Variants in SBF2 observed in about 807,000 individuals in gnomAD.
SBF2 encodes the protein SET binding factor 2, also known as myotubularin-related protein 13.
Under a neutral mutation model 225.2 loss-of-function variants are expected in SBF2, and 112 were observed. The ratio of observed to expected loss-of-function variants is 0.50; its 90% CI spans 0.43 to 0.58. The LOEUF (loss-of-function observed/expected upper bound fraction) is 0.58. SBF2 is among the 20% of genes least tolerant of loss of function. The pLI is 0.00. For missense variants in SBF2, 1,996 were observed against 2,206.2 expected (o/e 0.90, Z 1.91); for synonymous variants, 763 against 773.3 (o/e 0.99, Z 0.22).
chr11:9,991,399 C>T (rs1208115894), intron 12 of SBF2, among the ~76,000 whole-genome samples: 2 of 152,106 alleles, frequency 1.3e-5, no homozygotes, highest in Admixed American at 1.3e-4. Context: ...ATAAAAGATC[C>T]TTCTCCTCTG....
chr11:9,886,699 G>GTTTT (rs61240594), intron 17 of SBF2, among the ~76,000 whole-genome samples: 4 of 133,738 alleles, frequency 3.0e-5, no homozygotes, highest in African/African-American at 1.1e-4. Context: ...TGATTCATGT[G>GTTTT]TTTTTTTTTT....
chr11:10,168,295 A>G (rs10500719), intron 2 of SBF2, among the ~76,000 whole-genome samples: 14,635 of 152,262 alleles, frequency 0.096, 959 homozygotes, highest in East Asian at 0.28. Flanking sequence ...AAATATTCAA[A>G]AAGGCTATAA....
At chr11:9,865,369 A>T (rs1858102849) in intron 17 of SBF2, among the ~76,000 whole-genome samples, 1 of 152,122 alleles carries the variant, frequency 6.6e-6, no homozygotes. Flanking sequence ...ACCCACTGAG[A>T]TAAGTACCAT....
chr11:10,115,995 T>C (rs1237138571), intron 2 of SBF2, among the ~76,000 whole-genome samples: 1 of 151,922 alleles, frequency 6.6e-6, no homozygotes, highest in Non-Finnish European at 1.5e-5. Flanking sequence ...TGAAACCCCA[T>C]CTCTACTAAA....
At chr11:10,301,726 G>C (rs947621889) in intron 1 of SBF2, among the ~76,000 whole-genome samples, 1 of 152,200 alleles carries the variant, frequency 6.6e-6, no homozygotes, top group African/African-American at 2.4e-5. Context: ...AGTGCTAGCT[G>C]AGAAACCACT....
intron 17 of SBF2, among the ~76,000 whole-genome samples, chr11:9,874,296 C>G (rs150601572): frequency 1.3e-5 from 2 of 152,172 alleles, no homozygotes; most frequent in South Asian, 2.1e-4. Context: ...CTACTTCTTA[C>G]TAGATGAAGG....
At chr11:9,952,193 C>G (rs898752445) in intron 16 of SBF2, among the ~76,000 whole-genome samples, 1 of 152,182 alleles carries the variant, frequency 6.6e-6, no homozygotes, top group African/African-American at 2.4e-5. Flanking sequence ...TTTCCCTCAA[C>G]CAGACCTAGT....
At chr11:10,218,314 A>T (rs1363377957) in intron 1 of SBF2, among the ~76,000 whole-genome samples, 1 of 71,008 alleles carries the variant, frequency 1.4e-5, no homozygotes, top group African/African-American at 6.7e-5. Context: ...AGCACAGGAA[A>T]GACCCACCCC....
chr11:9,981,566 A>G (rs755331426), intron 13 of SBF2, among the ~76,000 whole-genome samples: 12 of 152,230 alleles, frequency 7.9e-5, no homozygotes, highest in Non-Finnish European at 1.2e-4. Flanking sequence ...CCATCTTATT[A>G]GTAAGATTTT....
At chr11:10,154,315 A>G (rs1021954409) in intron 2 of SBF2, among the ~76,000 whole-genome samples, 6 of 152,108 alleles carry the variant, frequency 3.9e-5, no homozygotes, top group Non-Finnish European at 7.4e-5. Context: ...ATACAGGATC[A>G]TTTTATCAAC....
chr11:10,260,880 A>C (rs1170198002), intron 1 of SBF2, among the ~76,000 whole-genome samples: 2 of 151,804 alleles, frequency 1.3e-5, no homozygotes, highest in Non-Finnish European at 2.9e-5. Flanking sequence ...CCTGCCTCAA[A>C]AAAGAAAAGA....
chr11:9,962,247 G>A, intron 15 of SBF2, 141 bp from the exon 16 acceptor site: 2 of 625,986 alleles, frequency 3.2e-6, no homozygotes, highest in Non-Finnish European at 5.5e-6. Context: ...TAGGGAATAG[G>A]TGATTTATTA....
At chr11:10,132,548 G>C (rs10770092) in intron 2 of SBF2, among the ~76,000 whole-genome samples, 60,674 of 145,958 alleles carry the variant, frequency 0.42, 14,870 homozygotes, top group Admixed American at 0.5. Context: ...CAGCGCGTCT[G>C]GAGTTGTTCG....
At chr11:10,147,709 G>C (rs1487811942) in intron 2 of SBF2, among the ~76,000 whole-genome samples, 1 of 151,932 alleles carries the variant, frequency 6.6e-6, no homozygotes, top group African/African-American at 2.4e-5. Context: ...ATGAACCCCT[G>C]AACTATAACA....
At chr11:10,223,357 C>T (rs2135411518) in intron 1 of SBF2, among the ~76,000 whole-genome samples, 1 of 140,526 alleles carries the variant, frequency 7.1e-6, no homozygotes, top group East Asian at 2.1e-4. Flanking sequence ...GAGCCTACTG[C>T]TGACCAGAAG....
chr11:10,237,565 CT>C (rs1293547697), intron 1 of SBF2, among the ~76,000 whole-genome samples: 1 of 152,176 alleles, frequency 6.6e-6, no homozygotes, highest in African/African-American at 2.4e-5. Flanking sequence ...TCTTTTACTT[CT>C]TTGAAAATAT....
chr11:10,191,497 T>A (rs1220530954), intron 2 of SBF2, among the ~76,000 whole-genome samples: 3 of 152,192 alleles, frequency 2.0e-5, no homozygotes, highest in Non-Finnish European at 4.4e-5. Context: ...CATTAAAGAA[T>A]TGAAATTGCG....
At chr11:10,057,590 G>A (rs1347029317) in intron 2 of SBF2, among the ~76,000 whole-genome samples, 1 of 152,168 alleles carries the variant, frequency 6.6e-6, no homozygotes, top group African/African-American at 2.4e-5. Context: ...GCCTCCAGGA[G>A]TCAAGCAAAT....
intron 2 of SBF2, among the ~76,000 whole-genome samples, chr11:10,109,621 T>C (rs1207494346): frequency 6.6e-6 from 1 of 152,170 alleles, no homozygotes; most frequent in Non-Finnish European, 1.5e-5. Context: ...GGGTAGACAC[T>C]TAGAATAATT....
Sources: gnomAD v4.1 joint callset for allele counts (sites outside exome capture counted in the v4.1 genomes callset) on GRCh38, gnomAD v4.1.1 for gene constraint, MANE v1.5 for transcripts, NCBI Gene and HGNC (gene_info 2026-07-23, HGNC 2026-07-21) for gene names.